Variants in DLEC1 observed in about 807,000 individuals in gnomAD.
DLEC1 encodes DLEC1 cilia and flagella associated protein, also known as deleted in lung and esophageal cancer protein 1.
Under a neutral mutation model 198.1 loss-of-function variants are expected in DLEC1, and 146 were observed. The ratio of observed to expected loss-of-function variants is 0.74; its 90% CI spans 0.64 to 0.85. The LOEUF (loss-of-function observed/expected upper bound fraction) is 0.85, where lower values mean the gene tolerates loss of function less well. Ranked by LOEUF, DLEC1 falls within the 40% of genes least tolerant of loss-of-function variation. The probability of loss-of-function intolerance (pLI) is 0.00; values close to 1 mark genes in which losing one functional copy is unlikely to be tolerated. For synonymous variants in DLEC1, 897 were observed against 866.8 expected (o/e 1.03, Z -0.61); for missense variants, 2,233 against 2,220.0 (o/e 1.01, Z -0.12).
intron 12 of DLEC1, 86 bp from the exon 13 acceptor site, chr3:38,094,784 CCTGCTCCCT>C: frequency 6.9e-7 from 1 of 1,443,364 alleles, no homozygotes; most frequent in Non-Finnish European, 9.4e-7. Context: ...TAGGTCCTTT[CCTGCTCCCT>C]CTTGGAGCAG....
At chr3:38,085,224 G>T in intron 7 of DLEC1, 50 bp from the exon 8 acceptor site, 1 of 1,605,926 alleles carries the variant, frequency 6.2e-7, no homozygotes, top group Non-Finnish European at 8.5e-7. Context: ...CTCAAGCCCT[G>T]GTGGCTGGCT....
At chr3:38,080,802 CTT>C (rs76282097) in intron 6 of DLEC1, among the ~76,000 whole-genome samples, 3,210 of 112,766 alleles carry the variant, frequency 0.028, 56 homozygotes, top group Middle Eastern at 0.075. Context: ...TTCGGGTGTT[CTT>C]TTTTTTTTTT....
intron 19 of DLEC1, 26 bp from the exon 20 acceptor site, chr3:38,107,558 A>G (rs1481120850): frequency 6.4e-7 from 1 of 1,564,214 alleles, no homozygotes; most frequent in Non-Finnish European, 8.7e-7. Flanking sequence ...TCTAATCAGT[A>G]TGCCTTTTGT....
At position 38,059,755 on chromosome 3, in the gene DLEC1, C is replaced by G; in HGVS notation, c.576C>G (p.Ser192=). Residue 192 remains serine (S), a synonymous_variant, in exon 3 of 37, where the codon TCC becomes TCG. Transcript: ENST00000308059. ...LVRLPPVKSV[S]RWCIDSELLR... ...CCTTCTATGAAGTGAAGAGTGTCTC[C>G]AGATGGTGTATAGACAGCGAGTTGC... is the stretch of plus-strand genomic sequence containing the variant. The G allele has an allele frequency of 6.2e-7, 1 of 1,613,928 alleles. No individual in the cohort carries two copies. Among genetic ancestry groups the G allele is most frequent in the South Asian group, 1.1e-5 (1 of 91,060 alleles).
intron 6 of DLEC1, among the ~76,000 whole-genome samples, chr3:38,077,715 T>A (rs952260152): frequency 6.6e-6 from 1 of 152,162 alleles, no homozygotes; most frequent in Non-Finnish European, 1.5e-5. Context: ...CCTCTACTTA[T>A]CTAGTGAAAG....
At chr3:38,100,167 G>T in intron 18 of DLEC1, 119 bp from the exon 19 acceptor site, 1 of 1,284,502 alleles carries the variant, frequency 7.8e-7, no homozygotes. Flanking sequence ...GATCCCAGAT[G>T]GCTCTTGGAA....
chr3:38,084,434 AGTGGTG>A (rs1458858662), intron 7 of DLEC1, among the ~76,000 whole-genome samples, 189 bp downstream of exon 7: 31 of 1,982 alleles, frequency 0.016, 2 homozygotes, highest in Middle Eastern at 0.17. Flanking sequence ...TAGTAGTAGT[AGTGGTG>A]GTGGTGGTGG....
chr3:38,115,501 G>T (rs1305546787), intron 27 of DLEC1, among the ~76,000 whole-genome samples: 2 of 144,786 alleles, frequency 1.4e-5, no homozygotes, highest in Non-Finnish European at 3.1e-5. Flanking sequence ...AGTGTAGGCT[G>T]AGTCTAAGAG....
chr3:38,109,456 C>T lies in DLEC1; in HGVS notation c.3154C>T (p.Pro1052Ser), dbSNP rs752765166. ...GGAAGAGCTGACCCATCTGGCCCTC[C>T]CTTGTCACGTGTCAGGCATGAAGAA... ...TQEELTHLAL[P>S]CHVSGMKKPL... Residue 1052 changes from proline to serine, a missense_variant, in exon 22 of 37, where the codon CCT (proline) becomes TCT (serine). Physicochemically the swap from Pro to Ser is moderately conservative, Grantham distance 74. Coordinates refer to ENST00000308059, the MANE Select transcript of DLEC1 (RefSeq NM_007335.4). 6.8e-6 allele frequency: 11 copies of T among 1,614,216 alleles called. No homozygotes were observed. The highest frequency in any genetic ancestry group is 1.1e-5 in the South Asian group (1 of 91,086).
chr3:38,117,050 A>C lies in DLEC1; in HGVS notation c.4255A>C (p.Lys1419Gln). The change falls in exon 30 of 37, where the codon AAG becomes CAG. Residue 1419 changes from lysine (K) to glutamine (Q), a missense_variant. Coordinates refer to ENST00000308059, the MANE Select transcript of DLEC1 (RefSeq NM_007335.4). ...PMVLSPEILH[K>Q]VECTGYALGF... ...GGTGCTCAGCCCTGAGATCCTGCACAAGGTGGAGTGTACTGGCTACGCCCT... is the reference window on the plus strand; with the variant it reads ...GGTGCTCAGCCCTGAGATCCTGCACCAGGTGGAGTGTACTGGCTACGCCCT... 1 of 1,614,084 alleles carries C rather than the reference A, an allele frequency of 6.2e-7. No homozygotes were observed. Among genetic ancestry groups the C allele is most frequent in the Non-Finnish European group, 8.5e-7 (1 of 1,179,966 alleles).
At chr3:38,053,288 C>G (rs1254814766) in intron 2 of DLEC1, among the ~76,000 whole-genome samples, 1 of 151,144 alleles carries the variant, frequency 6.6e-6, no homozygotes, top group African/African-American at 2.4e-5. Flanking sequence ...GCCCGGCCGC[C>G]CAGTCTGGGA....
At position 38,117,215 on chromosome 3, in the gene DLEC1, G is replaced by T; in HGVS notation, c.4313G>T (p.Arg1438Met). Residue 1438 changes from arginine to methionine, a missense_variant, in exon 31 of 37, where the codon AGG becomes ATG. Arg to Met is a moderately conservative substitution (Grantham distance 91). Transcript: ENST00000308059. The stretch of plus-strand genomic sequence containing the variant: ...CAGACTTGGGCTCAGTAGGTGGAAA[G>T]GGAGATTCCAGGGAAGAGGCATCGC... ...GFMSLDSKVE[R>M]EIPGKRHRLQ... 1 of 1,614,154 alleles carries T rather than the reference G, an allele frequency of 6.2e-7. No individual in the cohort carries two copies. The highest frequency in any genetic ancestry group is 1.3e-5 in the African/African-American group (1 of 75,048).
intron 19 of DLEC1, among the ~76,000 whole-genome samples, chr3:38,102,549 A>G (rs1699359772): frequency 6.6e-6 from 1 of 152,058 alleles, no homozygotes; most frequent in Admixed American, 6.5e-5. Context: ...GCTTCTAGTA[A>G]TCTTTGCCTG....
chr3:38,087,049 G>A (rs1255210053), intron 9 of DLEC1, among the ~76,000 whole-genome samples: 2 of 151,366 alleles, frequency 1.3e-5, no homozygotes, highest in African/African-American at 4.9e-5. Context: ...ACTCCAGCCT[G>A]GGCGACAGAG....
intron 34 of DLEC1, 135 bp downstream of exon 34, chr3:38,120,744 TC>T (rs1700408441): frequency 7.8e-7 from 1 of 1,276,506 alleles, no homozygotes; most frequent in African/African-American, 1.5e-5. Flanking sequence ...GGGCTCAGTC[TC>T]CCCTAGAAGA....
Position 38,097,899 on chromosome 3 carries a change from G to A in DLEC1, c.2721G>A (p.Glu907=), listed in dbSNP as rs768972850. The A allele has an allele frequency of 1.9e-6, 3 of 1,614,222 alleles. No individual in the cohort carries two copies. In the South Asian group the frequency reaches 3.3e-5, roughly 18 times the overall value. ...CAGTCTCCCTCCAGGAAAGGCCTGA[G>A]GATGTAAGTCAGGCACTGCTGGTTC... ...ESPVSLQERP[E]DVSPFDIEPS... is the part of the protein sequence containing the mutation. The change falls in exon 18 of 37, where the codon GAG becomes GAA. Residue 907 remains glutamate, a synonymous_variant. Transcript: ENST00000308059.
chr3:38,040,102 A>T (rs1311813869), intron 1 of DLEC1, among the ~76,000 whole-genome samples: 3 of 152,188 alleles, frequency 2.0e-5, no homozygotes, highest in African/African-American at 7.2e-5. Flanking sequence ...GGAGAAAACC[A>T]GCTGACTCGC....
intron 6 of DLEC1, among the ~76,000 whole-genome samples, chr3:38,081,613 A>G (rs1256703504): frequency 3.2e-3 from 177 of 54,816 alleles, no homozygotes; most frequent in African/African-American, 4.6e-3. Flanking sequence ...GGCCGGGCGG[A>G]GGGCTGACCC....
chr3:38,039,875 A>C (rs1295087434), intron 1 of DLEC1, among the ~76,000 whole-genome samples: 1 of 152,214 alleles, frequency 6.6e-6, no homozygotes, highest in African/African-American at 2.4e-5. Context: ...ACCTGTCTAT[A>C]TTTCTCTAGA....
Sources: gnomAD v4.1 joint callset for allele counts (sites outside exome capture counted in the v4.1 genomes callset) on GRCh38, gnomAD v4.1.1 for gene constraint, MANE v1.5 for transcripts, NCBI Gene and HGNC (gene_info 2026-07-23, HGNC 2026-07-21) for gene names.